ADAMTS19: variants seen among roughly 807,000 people sequenced by gnomAD.
ADAMTS19 encodes the protein A disintegrin and metalloproteinase with thrombospondin motifs 19.
ADAMTS19 carries 93 observed loss-of-function variants against 153.3 expected under a neutral mutation model. That is an observed-to-expected ratio of 0.61 (90% confidence interval 0.51 to 0.72). The LOEUF (loss-of-function observed/expected upper bound fraction) is 0.72, where lower values mean the gene tolerates loss of function less well. ADAMTS19 is among the 30% of genes least tolerant of loss of function. The pLI is 0.00. For missense variants in ADAMTS19, 1,482 were observed against 1,552.1 expected, an observed-to-expected ratio of 0.95 and a Z score of 0.76; for synonymous variants, 600 against 556.6, an observed-to-expected ratio of 1.08 and a Z score of -1.10.
intron 7 of ADAMTS19, among the ~76,000 whole-genome samples, chr5:129,585,640 C>A (rs1749743865): frequency 1.3e-5 from 2 of 152,082 alleles, no homozygotes; most frequent in African/African-American, 4.8e-5. Flanking sequence ...TTTCTTCCTG[C>A]ATTTCCGTGT....
In ADAMTS19 at chr5:129,635,635, G is replaced by A. The variant is rs555244842; in HGVS notation, c.1771-6224G>A. The stretch of plus-strand genomic sequence containing the variant: ...GATGGAAGTGGAGCCATTATTATTA[G>A]CAAACTAATGCAGGAACAGAAAACC... On this transcript the variant is annotated intron_variant, in intron 10 of 22. Coordinates refer to ENST00000274487, the MANE Select transcript of ADAMTS19 (RefSeq NM_133638.6). 5.3e-5 allele frequency among the ~76,000 whole-genome samples: 8 copies of A among 152,262 alleles called. No homozygotes were observed. In the South Asian group the frequency reaches 1.7e-3, roughly 32 times the overall value.
intron 16 of ADAMTS19, 141 bp downstream of exon 16, chr5:129,665,720 A>G (rs1754020416): frequency 1.6e-6 from 1 of 612,132 alleles, no homozygotes; most frequent in Non-Finnish European, 2.5e-6. Flanking sequence ...CATATCAAGT[A>G]GGAAAATTTT....
At chr5:129,624,639 C>T (rs1444485823) in intron 10 of ADAMTS19, among the ~76,000 whole-genome samples, 3 of 152,102 alleles carry the variant, frequency 2.0e-5, no homozygotes, top group Admixed American at 2.0e-4. Context: ...TGTAAAAGCT[C>T]AGTAGATGAT....
intron 2 of ADAMTS19, among the ~76,000 whole-genome samples, chr5:129,474,954 T>C (rs1003075094): frequency 1.3e-5 from 2 of 152,198 alleles, no homozygotes; most frequent in Admixed American, 1.3e-4. Context: ...TACTATTTAG[T>C]TTTAAGAGTT....
chr5:129,535,739 G>A (rs1229901776), intron 6 of ADAMTS19, among the ~76,000 whole-genome samples: 2 of 152,054 alleles, frequency 1.3e-5, no homozygotes, highest in African/African-American at 2.4e-5. Context: ...ACAGAACAGA[G>A]CCCTCAGAAA....
chr5:129,717,714 C>T (rs1435608887), intron 21 of ADAMTS19, among the ~76,000 whole-genome samples: 1 of 152,118 alleles, frequency 6.6e-6, no homozygotes, highest in Admixed American at 6.5e-5. Context: ...AGAAGCAAAG[C>T]TCATTTAAGA....
At chr5:129,579,478 A>G (rs1479011694) in intron 7 of ADAMTS19, among the ~76,000 whole-genome samples, 2 of 151,978 alleles carry the variant, frequency 1.3e-5, no homozygotes, top group Non-Finnish European at 1.5e-5. Flanking sequence ...TTTTGTTGCT[A>G]TTGCTTTTGG....
intron 10 of ADAMTS19, among the ~76,000 whole-genome samples, chr5:129,627,713 G>C (rs1752112634): frequency 6.6e-6 from 1 of 151,928 alleles, no homozygotes; most frequent in Non-Finnish European, 1.5e-5. Context: ...CTGATGATTA[G>C]ATAAATACAT....
At chr5:129,475,449 C>T (rs1421431785) in intron 2 of ADAMTS19, among the ~76,000 whole-genome samples, 1 of 152,164 alleles carries the variant, frequency 6.6e-6, no homozygotes, top group Non-Finnish European at 1.5e-5. Context: ...ATCTTCGTGT[C>T]AATACCATAC....
At chr5:129,644,051 AT>A (rs932131406) in intron 11 of ADAMTS19, among the ~76,000 whole-genome samples, 2 of 151,980 alleles carry the variant, frequency 1.3e-5, no homozygotes, top group African/African-American at 2.4e-5. Flanking sequence ...TTCTGCTATG[AT>A]TTTTTCCCTT....
At chr5:129,526,492 A>G in intron 4 of ADAMTS19, 36 bp downstream of exon 4, 11 of 1,558,440 alleles carry the variant, frequency 7.1e-6, no homozygotes, top group Non-Finnish European at 9.5e-6. Context: ...GAATTTTTTC[A>G]AGAAAACTCT....
intron 8 of ADAMTS19, among the ~76,000 whole-genome samples, chr5:129,616,806 A>G (rs1280950316): frequency 6.6e-6 from 1 of 152,078 alleles, no homozygotes; most frequent in Non-Finnish European, 1.5e-5. Flanking sequence ...ACTTGGTTAC[A>G]AGGTTCTACA....
intron 22 of ADAMTS19, among the ~76,000 whole-genome samples, chr5:129,735,734 A>G (rs1249094636): frequency 6.6e-6 from 1 of 152,058 alleles, no homozygotes; most frequent in Non-Finnish European, 1.5e-5. Context: ...AATCTAACCC[A>G]TAATTGAGAA....
At chr5:129,599,827 ATG>A (rs897056091) in intron 8 of ADAMTS19, among the ~76,000 whole-genome samples, 14 of 152,260 alleles carry the variant, frequency 9.2e-5, no homozygotes, top group African/African-American at 2.9e-4. Context: ...ATCAATAGAG[ATG>A]TGCCAAAGGT....
Position 129,704,401 on chromosome 5 carries a change from A to G in ADAMTS19, c.3312+10A>G, listed in dbSNP as rs760415496. 4.3e-6 allele frequency: 7 copies of G among 1,610,870 alleles called. No homozygotes were observed. The East Asian group carries it at 1.3e-4, about 31-fold the overall frequency. On this transcript the variant is annotated intron_variant, in intron 21 of 22. Coordinates refer to ENST00000274487, the MANE Select transcript of ADAMTS19 (RefSeq NM_133638.6). ...GGGTGACTGGTCTAAGGTGAGAACC[A>G]TTCTGTATATTCTCAGTAATAGGTT...
At chr5:129,662,989 G>C (rs1581200965) in intron 15 of ADAMTS19, among the ~76,000 whole-genome samples, 1 of 149,066 alleles carries the variant, frequency 6.7e-6, no homozygotes, top group East Asian at 2.0e-4. Context: ...CTGCCTCCCG[G>C]GTTCAAGCGG....
rs182448184 is a variant in ADAMTS19 at position 129,539,925 on chromosome 5, G to C, written c.1328+11248G>C. ...AATAGTGAAAAATCACCCCACTAAA[G>C]AGAATATTTTATTCCTAAGTGACCT... On this transcript the variant is annotated intron_variant, in intron 6 of 22. Transcript: ENST00000274487. Among the ~76,000 whole-genome samples, 7 of 152,004 alleles carry C rather than the reference G, an allele frequency of 4.6e-5. No individual in the cohort carries two copies. The East Asian group carries it at 1.4e-3, about 29-fold the overall frequency.
intron 6 of ADAMTS19, among the ~76,000 whole-genome samples, chr5:129,540,370 G>T (rs1752614653): frequency 6.6e-6 from 1 of 151,986 alleles, no homozygotes; most frequent in East Asian, 1.9e-4. Flanking sequence ...TTATGCTTCT[G>T]GGTTCATAGT....
intron 10 of ADAMTS19, among the ~76,000 whole-genome samples, chr5:129,636,919 A>C (rs933547571): frequency 9.9e-5 from 15 of 152,198 alleles, no homozygotes; most frequent in Admixed American, 6.5e-4. Flanking sequence ...ACTTTGGGGC[A>C]GATCTATAGA....
Sources: gnomAD v4.1 joint callset for allele counts (sites outside exome capture counted in the v4.1 genomes callset) on GRCh38, gnomAD v4.1.1 for gene constraint, MANE v1.5 for transcripts, NCBI Gene and HGNC (gene_info 2026-07-23, HGNC 2026-07-21) for gene names.